Variants in GALNT13 observed in about 807,000 individuals in gnomAD.
The protein encoded by GALNT13 is UDP-GalNAc:polypeptide N-acetylgalactosaminyltransferase 13.
GALNT13 carries 28 observed loss-of-function variants against 64.2 expected under a neutral mutation model. That is an observed-to-expected ratio of 0.44 (90% CI 0.32 to 0.60). GALNT13 has a LOEUF of 0.60. Among genes scored for constraint, GALNT13 ranks in the 20% least tolerant of loss-of-function variants. The pLI is 0.05. For synonymous variants in GALNT13, 214 were observed against 224.6 expected (o/e 0.95, Z 0.42); for missense variants, 577 against 669.8 (o/e 0.86, Z 1.53).
At chr2:153,714,578 C>T in the GALNT13 span, among the ~76,000 whole-genome samples, 1 of 152,060 alleles carries the variant, frequency 6.6e-6, no homozygotes, top group Admixed American at 6.5e-5. Flanking sequence ...AACACTGGAA[C>T]TGTTAAGCTT....
At chr2:153,105,405 C>T in the GALNT13 span, among the ~76,000 whole-genome samples, 4 of 152,118 alleles carry the variant, frequency 2.6e-5, no homozygotes, top group African/African-American at 9.7e-5. Flanking sequence ...GACAAACCCA[C>T]AGCCAATATC....
the GALNT13 span, among the ~76,000 whole-genome samples, chr2:153,237,306 T>A: frequency 1.3e-5 from 2 of 152,072 alleles, no homozygotes; most frequent in Non-Finnish European, 2.9e-5. Flanking sequence ...AATGGGGTAT[T>A]CATCACCTCA....
At chr2:153,119,065 G>A in the GALNT13 span, among the ~76,000 whole-genome samples, 5 of 152,154 alleles carry the variant, frequency 3.3e-5, no homozygotes, top group Middle Eastern at 3.4e-3. Flanking sequence ...ACTTCTGCTT[G>A]CTGCCACCAT....
chr2:154,172,233 A>G (rs549798899), intron 4 of GALNT13, among the ~76,000 whole-genome samples: 15 of 152,188 alleles, frequency 9.9e-5, no homozygotes, highest in African/African-American at 3.6e-4. Context: ...AATTTAATAC[A>G]TTCATAAAAT....
chr2:153,194,563 T>C, the GALNT13 span, among the ~76,000 whole-genome samples: 1 of 152,230 alleles, frequency 6.6e-6, no homozygotes, highest in African/African-American at 2.4e-5. Flanking sequence ...TGAATTATTT[T>C]TCAGGCATTT....
At chr2:154,440,817 A>C (rs1214972597) in intron 12 of GALNT13, among the ~76,000 whole-genome samples, 1 of 152,182 alleles carries the variant, frequency 6.6e-6, no homozygotes, top group African/African-American at 2.4e-5. Flanking sequence ...AATTGTAGGA[A>C]TAATACATTG....
At chr2:153,081,228 AT>A in the GALNT13 span, among the ~76,000 whole-genome samples, 2,490 of 151,188 alleles carry the variant, frequency 0.016, 75 homozygotes, top group African/African-American at 0.057. Context: ...TTTATTTTTA[AT>A]TTTTTTTGGT....
At chr2:153,180,355 C>T in the GALNT13 span, among the ~76,000 whole-genome samples, 184 of 152,120 alleles carry the variant, frequency 1.2e-3, 1 homozygote, top group African/African-American at 4.0e-3. Context: ...TTGAATCATC[C>T]TTGTATCACA....
At chr2:153,290,204 T>C in the GALNT13 span, among the ~76,000 whole-genome samples, 5 of 152,104 alleles carry the variant, frequency 3.3e-5, no homozygotes, top group Admixed American at 1.3e-4. Flanking sequence ...TTTATTATCA[T>C]TATTATTATT....
At chr2:153,213,056 G>T in the GALNT13 span, among the ~76,000 whole-genome samples, 1 of 152,222 alleles carries the variant, frequency 6.6e-6, no homozygotes, top group Admixed American at 6.5e-5. Context: ...GTCAACAGGT[G>T]TGTATCGAGT....
chr2:153,341,616 T>C, the GALNT13 span, among the ~76,000 whole-genome samples: 25 of 152,166 alleles, frequency 1.6e-4, no homozygotes, highest in African/African-American at 5.5e-4. Context: ...ATAAACAAAA[T>C]TGAACGCTCT....
At chr2:153,512,648 A>C in the GALNT13 span, among the ~76,000 whole-genome samples, 9 of 152,192 alleles carry the variant, frequency 5.9e-5, no homozygotes, top group Non-Finnish European at 8.8e-5. Context: ...TAAATGAGTT[A>C]ATACGTGTTA....
the GALNT13 span, among the ~76,000 whole-genome samples, chr2:153,362,406 A>G: frequency 6.6e-6 from 1 of 152,220 alleles, no homozygotes; most frequent in Admixed American, 6.5e-5. Context: ...AATTGTCTAA[A>G]TGCCCCTATT....
chr2:153,950,303 G>A (rs1574187054), intron 3 of GALNT13, among the ~76,000 whole-genome samples: 1 of 151,858 alleles, frequency 6.6e-6, no homozygotes, highest in Non-Finnish European at 1.5e-5. Context: ...ATGGGCAACA[G>A]AACTGAAGTG....
At chr2:154,311,964 T>C (rs1694067327) in intron 9 of GALNT13, among the ~76,000 whole-genome samples, 1 of 152,214 alleles carries the variant, frequency 6.6e-6, no homozygotes, top group African/African-American at 2.4e-5. Context: ...ATCCTGTTCT[T>C]TTTTCAGGGT....
At chr2:153,692,066 A>G in the GALNT13 span, among the ~76,000 whole-genome samples, 15 of 152,198 alleles carry the variant, frequency 9.9e-5, no homozygotes, top group Non-Finnish European at 1.8e-4. Flanking sequence ...TGAACAATCT[A>G]TATCTCCACA....
the GALNT13 span, among the ~76,000 whole-genome samples, chr2:153,649,502 G>C: frequency 4.1e-5 from 6 of 145,050 alleles, no homozygotes; most frequent in Non-Finnish European, 7.5e-5. Context: ...CTTGCCTTCT[G>C]CTAGCTTTTG....
At chr2:153,323,013 C>A in the GALNT13 span, among the ~76,000 whole-genome samples, 1 of 152,072 alleles carries the variant, frequency 6.6e-6, no homozygotes, top group East Asian at 1.9e-4. Context: ...GGTATATATG[C>A]AGTAATGGGA....
chr2:153,590,780 T>C, the GALNT13 span, among the ~76,000 whole-genome samples: 1 of 152,064 alleles, frequency 6.6e-6, no homozygotes. Context: ...CTCTTTGTGA[T>C]AAACCCTCAG....
Sources: allele counts gnomAD v4.1 joint callset (sites outside exome capture counted in the v4.1 genomes callset), GRCh38; gene constraint gnomAD v4.1.1; transcripts MANE v1.5; gene names NCBI Gene and HGNC (gene_info 2026-07-23, HGNC 2026-07-21).